The following UBXN7 variants were observed in gnomAD, a reference collection of about 807,000 sequenced individuals.
The protein encoded by UBXN7 is UBX domain protein 7, also known as UBX domain-containing protein 7.
UBXN7 carries 9 observed loss-of-function variants against 58.0 expected under a neutral mutation model. That is an observed-to-expected ratio of 0.16 (90% confidence interval 0.09 to 0.27). UBXN7 has a LOEUF of 0.27. Ranked by LOEUF, UBXN7 falls within the 10% of genes least tolerant of loss-of-function variation. The pLI is 1.00. For missense variants in UBXN7, 328 were observed against 599.6 expected, an observed-to-expected ratio of 0.55 and a Z score of 4.73; for synonymous variants, 208 against 205.0, an observed-to-expected ratio of 1.01 and a Z score of -0.12.
intron 1 of UBXN7, among the ~76,000 whole-genome samples, chr3:196,424,410 T>TTTTA (rs1553855155): frequency 1.5e-5 from 2 of 135,520 alleles, no homozygotes; most frequent in Non-Finnish European, 3.1e-5. Flanking sequence ...TTTTTTTTTT[T>TTTTA]AAGAGACAAG....
intron 3 of UBXN7, among the ~76,000 whole-genome samples, chr3:196,399,219 G>C (rs1729879314): frequency 6.6e-6 from 1 of 152,176 alleles, no homozygotes; most frequent in South Asian, 2.1e-4. Context: ...TTTTAAAACT[G>C]TGTACTCAAG....
At chr3:196,405,576 G>GTA (rs1214490751) in intron 2 of UBXN7, among the ~76,000 whole-genome samples, 1 of 152,018 alleles carries the variant, frequency 6.6e-6, no homozygotes, top group African/African-American at 2.4e-5. Flanking sequence ...GTGTGTGTGT[G>GTA]TGTATATATA....
intron 5 of UBXN7, among the ~76,000 whole-genome samples, chr3:196,390,346 C>T (rs1162572997): frequency 6.6e-6 from 1 of 152,162 alleles, no homozygotes; most frequent in African/African-American, 2.4e-5. Context: ...AGGGATCCTC[C>T]CACCTCAGCC....
chr3:196,426,228 A>C (rs182557567), intron 1 of UBXN7, among the ~76,000 whole-genome samples: 14 of 152,094 alleles, frequency 9.2e-5, no homozygotes, highest in Admixed American at 8.5e-4. Flanking sequence ...CATTAAAAAT[A>C]CAAAAAATTT....
In UBXN7 at chr3:196,350,840, GCA is replaced by G. The variant is rs1488301559; in HGVS notation, c.*5843_*5844del. On this transcript the variant is annotated 3_prime_UTR_variant, in exon 11 of 11. Transcript: ENST00000296328. ...GCCACTATTCTAAAATGTGTACAGT[GCA>G]ACACCATGTTTCACGGCAAGACAAT... is the stretch of plus-strand genomic sequence containing the variant. 6.6e-6 allele frequency: 1 copy of G among 152,212 alleles called. No homozygotes were observed. Among genetic ancestry groups the G allele is most frequent in the Non-Finnish European group, 1.5e-5 (1 of 68,046 alleles). The allele number at this position is 152,212 out of a possible 1,614,324, so 9.4% of individuals were successfully genotyped here. A position where few individuals can be genotyped will look rare whatever the true frequency, so the allele number is the denominator to read the frequency against.
In UBXN7 at chr3:196,349,587, TGAA is replaced by T. The variant is rs1728165132; in HGVS notation, c.*7095_*7097del. 1 of 152,048 alleles carries T rather than the reference TGAA, an allele frequency of 6.6e-6. No individual in the cohort carries two copies. Among genetic ancestry groups the T allele is most frequent in the Admixed American group, 6.5e-5 (1 of 15,268 alleles). 9.4% of individuals were successfully genotyped at this position (152,048 alleles called of 1,614,324 possible). On this transcript the variant is annotated 3_prime_UTR_variant, in exon 11 of 11. Transcript: ENST00000296328. ...TGTAAGCAGTCTAATGTCATCAAAC[TGAA>T]ATGGACCCTCGTGACGGGCACTATG...
At chr3:196,396,396 T>TAA (rs79527660) in intron 3 of UBXN7, among the ~76,000 whole-genome samples, 2 of 141,964 alleles carry the variant, frequency 1.4e-5, no homozygotes, top group African/African-American at 2.6e-5. Flanking sequence ...CCCTGTCTCT[T>TAA]AAAAAAAAAA....
intron 1 of UBXN7, among the ~76,000 whole-genome samples, chr3:196,421,681 G>T (rs1364417019): frequency 6.6e-6 from 1 of 151,948 alleles, no homozygotes; most frequent in African/African-American, 2.4e-5. Context: ...GGAGGCTGAG[G>T]CAGGAGAACA....
rs547555318 is a variant in UBXN7 at position 196,358,559 on chromosome 3, G to A, written c.1309-1713C>T. 2.4e-4 allele frequency among the ~76,000 whole-genome samples: 37 copies of A among 152,244 alleles called. No individual in the cohort carries two copies. In the South Asian group the frequency reaches 7.0e-3, roughly 29 times the overall value. On this transcript the variant is annotated intron_variant, in intron 10 of 10. Transcript: ENST00000296328. ...AAGACCAGCCTGGGTAACATAGTGA[G>A]AACCCTTCTCTACAAAAAAGAATTT...
At chr3:196,363,313 A>C (rs1412870475) in intron 8 of UBXN7, among the ~76,000 whole-genome samples, 1 of 151,616 alleles carries the variant, frequency 6.6e-6, no homozygotes, top group African/African-American at 2.4e-5. Context: ...TAAGTTCCCC[A>C]GGCTGGTCTT....
At position 196,348,951 on chromosome 3, in the gene UBXN7, A is replaced by G. The variant is rs1728150366; in HGVS notation, c.*7734T>C. The G allele has an allele frequency of 1.3e-5, 2 of 151,032 alleles. No individual in the cohort carries two copies. Among genetic ancestry groups the G allele is most frequent in the Non-Finnish European group, 3.0e-5 (2 of 67,698 alleles). 9.4% of individuals were successfully genotyped at this position (151,032 alleles called of 1,614,324 possible). ...ACAAAACAAAACAAAACAAAACAAA[A>G]CAAACAAAACAAAAAGTAACACTGG... On this transcript the variant is annotated 3_prime_UTR_variant, in exon 11 of 11. Coordinates refer to ENST00000296328, the MANE Select transcript of UBXN7 (RefSeq NM_015562.2).
rs551357242 is a variant in UBXN7, at chr3:196,350,293, C to G, written c.*6392G>C. 1 of 152,172 alleles carries G rather than the reference C, an allele frequency of 6.6e-6. No homozygotes were observed. Among genetic ancestry groups the G allele is most frequent in the East Asian group, 1.9e-4 (1 of 5,202 alleles). 9.4% of individuals were successfully genotyped at this position (152,172 alleles called of 1,614,324 possible). Reference sequence around the variant, plus strand: ...AGAATATCTGCAATTTTAAGCAACACAACAGCAACTGGTAGGCCACAAAGA... The same window carrying G: ...AGAATATCTGCAATTTTAAGCAACAGAACAGCAACTGGTAGGCCACAAAGA... On this transcript the variant is annotated 3_prime_UTR_variant, in exon 11 of 11. Coordinates refer to ENST00000296328, the MANE Select transcript of UBXN7 (RefSeq NM_015562.2).
Position 196,391,799 on chromosome 3 carries a change from C to G in UBXN7, c.468+14G>C. On this transcript the variant is annotated intron_variant, in intron 5 of 10. Coordinates refer to ENST00000296328, the MANE Select transcript of UBXN7 (RefSeq NM_015562.2). Reference sequence around the variant, plus strand: ...AGGATTCATAGTTAAGGCACTGACTCTCCAACAACTTACTGTTTCAAAGCT... The same window carrying G: ...AGGATTCATAGTTAAGGCACTGACTGTCCAACAACTTACTGTTTCAAAGCT... 6.3e-7 allele frequency: 1 copy of G among 1,583,488 alleles called. No homozygotes were observed. Among genetic ancestry groups the G allele is most frequent in the Non-Finnish European group, 8.6e-7 (1 of 1,163,196 alleles).
rs1728219990 is a variant in UBXN7, at chr3:196,351,758, C to T, written c.*4927G>A. On this transcript the variant is annotated 3_prime_UTR_variant, in exon 11 of 11. Coordinates refer to ENST00000296328, the MANE Select transcript of UBXN7 (RefSeq NM_015562.2). Reference sequence around the variant, plus strand: ...TGTTACCCAAAGGGCTCTCACACCTCCAGTGCCCTTTCTGCATATAACATA... The same window carrying T: ...TGTTACCCAAAGGGCTCTCACACCTTCAGTGCCCTTTCTGCATATAACATA... 6.6e-6 allele frequency: 1 copy of T among 152,162 alleles called. No individual in the cohort carries two copies. The highest frequency in any genetic ancestry group is 2.4e-5 in the African/African-American group (1 of 41,428). 9.4% of individuals were successfully genotyped at this position (152,162 alleles called of 1,614,324 possible). A position where few individuals can be genotyped will look rare whatever the true frequency, so the allele number is the denominator to read the frequency against.
chr3:196,425,318 A>G lies in UBXN7; in HGVS notation c.73+7009T>C, dbSNP rs191055262. Among the ~76,000 whole-genome samples the G allele has an allele frequency of 3.2e-4, 48 of 152,078 alleles. No individual in the cohort carries two copies. In the East Asian group the frequency reaches 5.2e-3, roughly 17 times the overall value. The stretch of plus-strand genomic sequence containing the variant: ...ACACCACTATCTTTCTTGGGTTAAT[A>G]TAACAGCCTTCTACTGATCTCTGTG... On this transcript the variant is annotated intron_variant, in intron 1 of 10. Transcript: ENST00000296328.
At chr3:196,427,193 ATATGTG>A (rs1560247208) in intron 1 of UBXN7, among the ~76,000 whole-genome samples, 1 of 152,190 alleles carries the variant, frequency 6.6e-6, no homozygotes, top group African/African-American at 2.4e-5. Flanking sequence ...GCACCAGTGT[ATATGTG>A]TAGTGGATGT....
At chr3:196,358,555 G>A (rs951699225) in intron 10 of UBXN7, among the ~76,000 whole-genome samples, 7 of 152,206 alleles carry the variant, frequency 4.6e-5, no homozygotes, top group African/African-American at 1.7e-4. Flanking sequence ...GGGTAACATA[G>A]TGAGAACCCT....
At chr3:196,429,383 G>A (rs1245694653) in intron 1 of UBXN7, among the ~76,000 whole-genome samples, 1 of 151,018 alleles carries the variant, frequency 6.6e-6, no homozygotes. Context: ...AGAGAGATCT[G>A]TTCTATTCAG....
chr3:196,365,562 A>G (rs1397322751), intron 8 of UBXN7, among the ~76,000 whole-genome samples: 1 of 152,148 alleles, frequency 6.6e-6, no homozygotes, highest in Admixed American at 6.5e-5. Context: ...GCCACACCCC[A>G]GCTGGTTCCG....
Sources: gnomAD v4.1 joint callset for allele counts (sites outside exome capture counted in the v4.1 genomes callset) on GRCh38, gnomAD v4.1.1 for gene constraint, MANE v1.5 for transcripts, NCBI Gene and HGNC (gene_info 2026-07-23, HGNC 2026-07-21) for gene names.